The following DLG2 variants were observed in gnomAD, a reference collection of about 807,000 sequenced individuals.
DLG2 encodes the protein disks large homolog 2.
Under a neutral mutation model 132.5 loss-of-function variants are expected in DLG2, and 45 were observed. The ratio of observed to expected loss-of-function variants is 0.34; its 90% CI spans 0.27 to 0.44. The LOEUF (loss-of-function observed/expected upper bound fraction) is 0.44. DLG2 is among the 20% of genes least tolerant of loss of function. The pLI is 1.00. For synonymous variants in DLG2, 424 were observed against 419.6 expected, an observed-to-expected ratio of 1.01 and a Z score of -0.13; for missense variants, 1,045 against 1,196.9, an observed-to-expected ratio of 0.87 and a Z score of 1.87.
At chr11:85,087,049 T>C (rs1400421433) in intron 6 of DLG2, among the ~76,000 whole-genome samples, 1 of 152,204 alleles carries the variant, frequency 6.6e-6, no homozygotes, top group Admixed American at 6.5e-5. Flanking sequence ...GTTCATTCAT[T>C]TGCTCATTGT....
At chr11:83,615,937 G>T (rs1340557310) in intron 19 of DLG2, among the ~76,000 whole-genome samples, 2 of 152,064 alleles carry the variant, frequency 1.3e-5, no homozygotes, top group Admixed American at 6.5e-5. Context: ...TGATAATTAC[G>T]TTTTTTTAAG....
chr11:83,789,843 A>T (rs2041053166), intron 17 of DLG2: 1 of 379,418 alleles, frequency 2.6e-6, no homozygotes, highest in Non-Finnish European at 4.7e-6. Flanking sequence ...ACCACTGATG[A>T]CTCTTTTATA....
intron 11 of DLG2, among the ~76,000 whole-genome samples, chr11:84,053,445 A>G (rs1365449507): frequency 1.3e-5 from 2 of 151,986 alleles, no homozygotes; most frequent in Non-Finnish European, 2.9e-5. Flanking sequence ...AGTTGAAGGA[A>G]AAAAAAGAAC....
At chr11:84,579,121 G>A (rs972285176) in intron 6 of DLG2, among the ~76,000 whole-genome samples, 1 of 151,330 alleles carries the variant, frequency 6.6e-6, no homozygotes, top group African/African-American at 2.4e-5. Flanking sequence ...ACCTCTTTTT[G>A]TTCAAAGTTT....
At chr11:84,460,290 C>T (rs374631359) in intron 7 of DLG2, among the ~76,000 whole-genome samples, 9 of 150,348 alleles carry the variant, frequency 6.0e-5, no homozygotes, top group Non-Finnish European at 9.0e-5. Context: ...TCTTTATGAA[C>T]GAGGGTAGGC....
intron 6 of DLG2, among the ~76,000 whole-genome samples, chr11:84,728,510 C>T (rs56202007): frequency 0.015 from 2,347 of 152,012 alleles, 76 homozygotes; most frequent in African/African-American, 0.053. Context: ...TATTGAGGAC[C>T]TTCGCATCGA....
At chr11:83,834,364 G>A (rs1474052142) in intron 16 of DLG2, among the ~76,000 whole-genome samples, 1 of 152,210 alleles carries the variant, frequency 6.6e-6, no homozygotes, top group Non-Finnish European at 1.5e-5. Context: ...TTAGGATGTT[G>A]TCTAGGAATC....
chr11:84,978,352 A>T (rs1216722577), intron 6 of DLG2, among the ~76,000 whole-genome samples: 1 of 152,194 alleles, frequency 6.6e-6, no homozygotes, highest in East Asian at 1.9e-4. Context: ...CATTGCCAAG[A>T]CAATCCTAAG....
intron 6 of DLG2, among the ~76,000 whole-genome samples, chr11:84,840,895 G>A (rs558017031): frequency 1.6e-4 from 24 of 151,588 alleles, no homozygotes; most frequent in African/African-American, 5.6e-4. Flanking sequence ...TGTAAATGAC[G>A]AGTTAATGGG....
At chr11:84,839,654 C>CAATAG (rs1174398322) in intron 6 of DLG2, among the ~76,000 whole-genome samples, 1 of 152,048 alleles carries the variant, frequency 6.6e-6, no homozygotes, top group Non-Finnish European at 1.5e-5. Context: ...TTATCTAGAC[C>CAATAG]AATAGAACAG....
At chr11:84,270,745 C>A (rs950414924) in intron 7 of DLG2, among the ~76,000 whole-genome samples, 1 of 152,162 alleles carries the variant, frequency 6.6e-6, no homozygotes, top group South Asian at 2.1e-4. Context: ...TACTTGCTTA[C>A]GACCTTTTCA....
intron 15 of DLG2, among the ~76,000 whole-genome samples, chr11:83,892,619 T>C (rs1377242424): frequency 6.6e-6 from 1 of 152,116 alleles, no homozygotes; most frequent in East Asian, 1.9e-4. Context: ...GTGAGAGGAT[T>C]TGAAAGGGCA....
chr11:84,251,144 G>T, intron 8 of DLG2, 94 bp downstream of exon 8: 1 of 727,228 alleles, frequency 1.4e-6, no homozygotes, highest in Non-Finnish European at 2.2e-6. Flanking sequence ...AGATTATTTA[G>T]TTTGGGTGAA....
At chr11:84,916,085 C>T (rs1293352329) in intron 6 of DLG2, among the ~76,000 whole-genome samples, 1 of 152,014 alleles carries the variant, frequency 6.6e-6, no homozygotes, top group Non-Finnish European at 1.5e-5. Flanking sequence ...GTGGCTCACG[C>T]CTGTAATCCC....
rs201404405 is a variant in DLG2, at chr11:84,943,167, C to CGTGTGT, written c.357+168488_357+168493dup. Among the ~76,000 whole-genome samples the CGTGTGT allele has an allele frequency of 6.3e-3, 870 of 137,874 alleles. 12 individuals carry two copies. The highest frequency in any genetic ancestry group is 0.02 in the African/African-American group (736 of 37,358). 90.5% of individuals were successfully genotyped at this position (137,874 alleles called of 152,430 possible). A position where few individuals can be genotyped will look rare whatever the true frequency, so the allele number is the denominator to read the frequency against. ...GATTTTTGGGTCGTGTGTGTGTGTG[C>CGTGTGT]GTGTGTGTGTGTGTGTGTGTGTGTG... On this transcript the variant is annotated intron_variant, in intron 6 of 27. Transcript: ENST00000376104.
chr11:84,877,521 T>TC (rs1486834114), intron 6 of DLG2, among the ~76,000 whole-genome samples: 1 of 143,410 alleles, frequency 7.0e-6, no homozygotes, highest in Admixed American at 7.0e-5. Context: ...GCTTTTTTTT[T>TC]TTTTTTTTTT....
intron 9 of DLG2, among the ~76,000 whole-genome samples, chr11:84,112,239 C>A (rs2093389784): frequency 6.6e-6 from 1 of 151,838 alleles, no homozygotes; most frequent in South Asian, 2.1e-4. Flanking sequence ...ACCCCGTGAT[C>A]CACCCGCCTC....
At chr11:85,427,166 T>A (rs1175551961) in intron 3 of DLG2, among the ~76,000 whole-genome samples, 1 of 152,090 alleles carries the variant, frequency 6.6e-6, no homozygotes, top group Non-Finnish European at 1.5e-5. Context: ...TACCTGAAAG[T>A]GAAAGGGAGA....
rs544505682 is a variant in DLG2, at chr11:84,628,888, T to C, written c.358-94157A>G. ...GATCAATAATTGTAAAATGCATAAT[T>C]GAGTGAAATGATGAATAGTCTGGCT... On this transcript the variant is annotated intron_variant, in intron 6 of 27. Coordinates refer to ENST00000376104, the MANE Select transcript of DLG2 (RefSeq NM_001142699.3). 1.7e-4 allele frequency among the ~76,000 whole-genome samples: 26 copies of C among 152,290 alleles called. 1 individual carries two copies. The South Asian group carries it at 5.0e-3, about 29-fold the overall frequency.
Sources: gnomAD v4.1 joint callset for allele counts (sites outside exome capture counted in the v4.1 genomes callset) on GRCh38, gnomAD v4.1.1 for gene constraint, MANE v1.5 for transcripts, NCBI Gene and HGNC (gene_info 2026-07-23, HGNC 2026-07-21) for gene names.